The following ADGRL3 variants were observed in gnomAD, a reference collection of about 807,000 sequenced individuals.
ADGRL3 encodes calcium-independent alpha-latrotoxin receptor 3.
Under a neutral mutation model 153.5 loss-of-function variants are expected in ADGRL3, and 62 were observed. That is an observed-to-expected ratio of 0.40 (90% CI 0.33 to 0.50). The LOEUF (loss-of-function observed/expected upper bound fraction) is 0.50. Among genes scored for constraint, ADGRL3 ranks in the 20% least tolerant of loss-of-function variants. The pLI, the probability that ADGRL3 is intolerant of heterozygous loss-of-function variation, is 0.47. For synonymous variants in ADGRL3, 710 were observed against 672.5 expected, an observed-to-expected ratio of 1.06 and a Z score of -0.86; for missense variants, 1,641 against 1,859.4, an observed-to-expected ratio of 0.88 and a Z score of 2.16.
At chr4:62,065,391 C>A (rs2151896605) in intron 25 of ADGRL3, among the ~76,000 whole-genome samples, 1 of 152,170 alleles carries the variant, frequency 6.6e-6, no homozygotes, top group South Asian at 2.1e-4. Flanking sequence ...TTACACAATT[C>A]ATCAGATGTG....
intron 24 of ADGRL3, among the ~76,000 whole-genome samples, chr4:62,041,226 C>T (rs1244438668): frequency 6.6e-6 from 1 of 151,994 alleles, no homozygotes; most frequent in Non-Finnish European, 1.5e-5. Flanking sequence ...ATCCTCTTCA[C>T]CTCTTGCTCC....
chr4:61,892,965 C>G lies in ADGRL3; in HGVS notation c.1783+7C>G, dbSNP rs768232178. 11 of 1,503,754 alleles carry G rather than the reference C, an allele frequency of 7.3e-6. No individual in the cohort carries two copies. The highest frequency in any genetic ancestry group is 9.7e-6 in the Non-Finnish European group (11 of 1,128,640). 93.2% of individuals were successfully genotyped at this position (1,503,754 alleles called of 1,614,324 possible). ...TGCCCTGCAGGAACTATAGGTAAGT[C>G]TGTGCTAAAGCACTAAGTTAAAACT... On this transcript the variant is annotated splice_region_variant and intron_variant, in intron 10 of 26. Coordinates refer to ENST00000683033, the MANE Select transcript of ADGRL3 (RefSeq NM_001387552.1).
chr4:61,284,916 C>T (rs982900293), intron 1 of ADGRL3, among the ~76,000 whole-genome samples: 4 of 151,640 alleles, frequency 2.6e-5, no homozygotes, highest in South Asian at 2.1e-4. Flanking sequence ...TTCAAATTAT[C>T]CTTCCCTCTT....
At position 61,557,682 on chromosome 4, in the gene ADGRL3, G is replaced by A. The variant is rs547959689; in HGVS notation, c.260-29545G>A. On this transcript the variant is annotated intron_variant, in intron 4 of 26. Coordinates refer to ENST00000683033, the MANE Select transcript of ADGRL3 (RefSeq NM_001387552.1). ...AGGTCTCCAGAGTTGCAATTAATAA[G>A]AGCACTCAAACACTAACCTTAGGAA... is the stretch of plus-strand genomic sequence containing the variant. Among the ~76,000 whole-genome samples, 8 of 152,190 alleles carry A rather than the reference G, an allele frequency of 5.3e-5. No homozygotes were observed. The South Asian group carries it at 1.4e-3, about 28-fold the overall frequency.
chr4:61,721,264 A>C (rs909809571), intron 6 of ADGRL3, among the ~76,000 whole-genome samples: 17 of 152,156 alleles, frequency 1.1e-4, no homozygotes, highest in Non-Finnish European at 7.4e-5. Context: ...AGGAGCAAGG[A>C]AGCCAGTCTG....
intron 2 of ADGRL3, among the ~76,000 whole-genome samples, chr4:61,394,956 T>C (rs989247343): frequency 6.6e-6 from 1 of 152,068 alleles, no homozygotes; most frequent in Middle Eastern, 3.2e-3. Context: ...ACTAAATTTA[T>C]GAAGAAACTA....
chr4:62,045,763 C>G (rs1730804085), intron 25 of ADGRL3, among the ~76,000 whole-genome samples: 1 of 151,912 alleles, frequency 6.6e-6, no homozygotes, highest in Non-Finnish European at 1.5e-5. Flanking sequence ...ATCTACATCA[C>G]TTTGTCTTGA....
At chr4:61,453,713 A>T (rs1436967872) in intron 2 of ADGRL3, among the ~76,000 whole-genome samples, 1 of 152,138 alleles carries the variant, frequency 6.6e-6, no homozygotes, top group African/African-American at 2.4e-5. Flanking sequence ...GCTTGTGCAG[A>T]TAACTGAAAA....
At chr4:61,856,392 T>C (rs548625371) in intron 9 of ADGRL3, among the ~76,000 whole-genome samples, 132 of 149,110 alleles carry the variant, frequency 8.9e-4, no homozygotes, top group Non-Finnish European at 1.7e-3. Context: ...TTCCTTCCTT[T>C]CTTGGAACTT....
At chr4:61,953,623 T>C (rs936304183) in intron 17 of ADGRL3, among the ~76,000 whole-genome samples, 1 of 152,248 alleles carries the variant, frequency 6.6e-6, no homozygotes, top group South Asian at 2.1e-4. Context: ...CTCATATTTT[T>C]AGAGAAGTGG....
chr4:61,342,536 G>A (rs1444170962), intron 1 of ADGRL3, among the ~76,000 whole-genome samples: 1 of 151,970 alleles, frequency 6.6e-6, no homozygotes, highest in Non-Finnish European at 1.5e-5. Context: ...GACAGTCTCT[G>A]TCAGTCTCTT....
chr4:61,881,465 G>A (rs906028329), intron 9 of ADGRL3, among the ~76,000 whole-genome samples: 5 of 152,062 alleles, frequency 3.3e-5, no homozygotes, highest in African/African-American at 1.2e-4. Flanking sequence ...TGCAACCTCC[G>A]CCTCCCAGGC....
intron 8 of ADGRL3, among the ~76,000 whole-genome samples, chr4:61,760,928 C>CA (rs1386708697): frequency 1.3e-5 from 2 of 152,184 alleles, no homozygotes; most frequent in African/African-American, 4.8e-5. Flanking sequence ...ATTTGGGTGT[C>CA]AGAGTTTCTA....
intron 11 of ADGRL3, among the ~76,000 whole-genome samples, chr4:61,902,828 G>C (rs2098671935): frequency 6.6e-6 from 1 of 151,866 alleles, no homozygotes; most frequent in Non-Finnish European, 1.5e-5. Flanking sequence ...TACCACACTG[G>C]GATTCTGTAT....
intron 1 of ADGRL3, among the ~76,000 whole-genome samples, chr4:61,339,381 T>C (rs573127560): frequency 6.6e-6 from 1 of 152,300 alleles, no homozygotes; most frequent in South Asian, 2.1e-4. Flanking sequence ...ATTGTTAAAC[T>C]CAACAATGCA....
At chr4:61,210,884 C>T (rs2148848502) in intron 1 of ADGRL3, among the ~76,000 whole-genome samples, 1 of 152,086 alleles carries the variant, frequency 6.6e-6, no homozygotes, top group African/African-American at 2.4e-5. Context: ...TTGATGTTGT[C>T]TAAGGAGTTT....
chr4:62,060,609 A>T (rs1047750192), intron 25 of ADGRL3, among the ~76,000 whole-genome samples: 2 of 151,892 alleles, frequency 1.3e-5, no homozygotes, highest in African/African-American at 4.8e-5. Context: ...ATAAGATGGG[A>T]AGTACAATTT....
intron 8 of ADGRL3, among the ~76,000 whole-genome samples, chr4:61,762,485 A>G (rs886149689): frequency 2.0e-5 from 3 of 152,134 alleles, no homozygotes; most frequent in Non-Finnish European, 4.4e-5. Flanking sequence ...TAAATTTGAT[A>G]TTGAGGTGCT....
At chr4:61,445,329 G>A (rs553909567) in intron 2 of ADGRL3, among the ~76,000 whole-genome samples, 1 of 152,100 alleles carries the variant, frequency 6.6e-6, no homozygotes, top group Non-Finnish European at 1.5e-5. Context: ...ATCAACCTGA[G>A]GGCTAGCTAA....
Sources: gnomAD v4.1 joint callset for allele counts (sites outside exome capture counted in the v4.1 genomes callset) on GRCh38, gnomAD v4.1.1 for gene constraint, MANE v1.5 for transcripts, NCBI Gene and HGNC (gene_info 2026-07-23, HGNC 2026-07-21) for gene names.